The following TASP1 variants were observed in gnomAD, a reference collection of about 807,000 sequenced individuals.
The protein encoded by TASP1 is threonine aspartase 1.
TASP1 carries 16 observed loss-of-function variants against 56.6 expected under a neutral mutation model. The observed-to-expected ratio is 0.28, with a 90% CI of 0.19 to 0.43. The LOEUF is 0.43. Among genes scored for constraint, TASP1 ranks in the 20% least tolerant of loss-of-function variants. The pLI is 1.00. For missense variants in TASP1, 393 were observed against 511.6 expected, an observed-to-expected ratio of 0.77 and a Z score of 2.24; for synonymous variants, 179 against 184.2, an observed-to-expected ratio of 0.97 and a Z score of 0.23.
At chr20:13,418,923 A>G (rs2042349241) in intron 12 of TASP1, among the ~76,000 whole-genome samples, 3 of 152,258 alleles carry the variant, frequency 2.0e-5, no homozygotes, top group Non-Finnish European at 4.4e-5. Flanking sequence ...CAAAAATGCC[A>G]AAGTCAGAAA....
the TASP1 span, among the ~76,000 whole-genome samples, chr20:13,324,701 G>A: frequency 1.3e-5 from 2 of 152,162 alleles, no homozygotes; most frequent in African/African-American, 4.8e-5. Flanking sequence ...CAATTTTCCA[G>A]GCATAATCTC....
chr20:13,155,211 C>G, the TASP1 span, among the ~76,000 whole-genome samples: 1 of 152,080 alleles, frequency 6.6e-6, no homozygotes, highest in Non-Finnish European at 1.5e-5. Flanking sequence ...GTTAACTAAG[C>G]TCCTTTCTCA....
chr20:13,298,964 G>A, the TASP1 span: 2 of 1,613,596 alleles, frequency 1.2e-6, no homozygotes, highest in Admixed American at 1.7e-5. Context: ...GTGAGCGCTG[G>A]ATGAGCTGCA....
Position 13,625,259 on chromosome 20 carries a change from T to C in TASP1, c.146-7A>G, listed in dbSNP as rs1405202189. The C allele has an allele frequency of 3.7e-6, 6 of 1,601,266 alleles. No homozygotes were observed. In the Admixed American group the frequency reaches 6.9e-5, roughly 18 times the overall value. On this transcript the variant is annotated splice_polypyrimidine_tract_variant and splice_region_variant and intron_variant, in intron 2 of 13. Transcript: ENST00000337743. ...TCAGAATGATAACCTGCACCTAAAG[T>C]AGAAAATAAAATCCAGTTAATTATT...
chr20:13,538,269 G>T (rs977807399), intron 8 of TASP1, among the ~76,000 whole-genome samples: 2 of 152,142 alleles, frequency 1.3e-5, no homozygotes, highest in Admixed American at 6.5e-5. Flanking sequence ...CTCCCAAAGT[G>T]CTGGGATTAC....
chr20:13,245,104 T>A, the TASP1 span: 1 of 152,230 alleles, frequency 6.6e-6, no homozygotes, highest in Admixed American at 6.5e-5. Context: ...TGGTTAAATA[T>A]CTTCCTTCCT....
chr20:13,565,215 C>T (rs973595644), intron 7 of TASP1, among the ~76,000 whole-genome samples: 3 of 152,076 alleles, frequency 2.0e-5, no homozygotes, highest in African/African-American at 7.2e-5. Context: ...GTTAGACCCC[C>T]ACTTTATACC....
At chr20:13,110,136 T>A in the TASP1 span, 1 of 1,613,420 alleles carries the variant, frequency 6.2e-7, no homozygotes, top group Non-Finnish European at 8.5e-7. Flanking sequence ...GAGAAGCTCC[T>A]GAGAGATGCT....
the TASP1 span, among the ~76,000 whole-genome samples, chr20:13,186,746 C>G: frequency 0.011 from 1,651 of 152,230 alleles, 15 homozygotes; most frequent in Non-Finnish European, 0.016. Flanking sequence ...TATAGCTAAG[C>G]CTTAAACAAA....
At chr20:13,297,990 G>A in the TASP1 span, among the ~76,000 whole-genome samples, 1 of 152,106 alleles carries the variant, frequency 6.6e-6, no homozygotes, top group Non-Finnish European at 1.5e-5. Context: ...GAGGCTGGGG[G>A]AACCAGTCCA....
At chr20:13,147,762 T>C in the TASP1 span, among the ~76,000 whole-genome samples, 2 of 152,248 alleles carry the variant, frequency 1.3e-5, no homozygotes, top group African/African-American at 4.8e-5. Context: ...GGAGCATGTA[T>C]GAGGTCATGC....
chr20:13,190,202 T>A, the TASP1 span, among the ~76,000 whole-genome samples: 1 of 152,144 alleles, frequency 6.6e-6, no homozygotes, highest in Non-Finnish European at 1.5e-5. Context: ...CTATGGTTAC[T>A]ATTTGGGTGA....
Position 13,631,016 on chromosome 20 carries a change from G to C in TASP1, c.-74-864C>G, listed in dbSNP as rs575679865. Among the ~76,000 whole-genome samples the C allele has an allele frequency of 1.1e-4, 16 of 152,114 alleles. No individual in the cohort carries two copies. In the South Asian group the frequency reaches 3.3e-3, roughly 32 times the overall value. On this transcript the variant is annotated intron_variant, in intron 1 of 13. Transcript: ENST00000337743. ...AGTTTCAAATTTGTTTGAATGTTTGGTTTTGGGTGGTATTTGGGGAGTTTT... is the reference window on the plus strand; with the variant it reads ...AGTTTCAAATTTGTTTGAATGTTTGCTTTTGGGTGGTATTTGGGGAGTTTT...
intron 7 of TASP1, among the ~76,000 whole-genome samples, chr20:13,561,964 C>G (rs2046357769): frequency 6.6e-6 from 1 of 152,016 alleles, no homozygotes; most frequent in Admixed American, 6.6e-5. Flanking sequence ...ATAAACAGAA[C>G]ACTATATTCG....
At chr20:13,550,199 T>C (rs182324824) in intron 8 of TASP1, among the ~76,000 whole-genome samples, 5 of 138,590 alleles carry the variant, frequency 3.6e-5, no homozygotes, top group Admixed American at 2.8e-4. Flanking sequence ...GACACTGCAA[T>C]TGTCCAGTCA....
chr20:13,514,243 A>G (rs1027431856), intron 10 of TASP1, among the ~76,000 whole-genome samples: 15 of 152,258 alleles, frequency 9.9e-5, no homozygotes, highest in African/African-American at 2.6e-4. Context: ...GTAAACAGTG[A>G]TCATTATGAT....
the TASP1 span, among the ~76,000 whole-genome samples, chr20:13,201,074 A>T: frequency 6.6e-6 from 1 of 152,228 alleles, no homozygotes; most frequent in Non-Finnish European, 1.5e-5. Flanking sequence ...ACAGGCACAG[A>T]GGACTGCAAG....
chr20:13,615,508 T>G (rs1461181685), intron 4 of TASP1, among the ~76,000 whole-genome samples: 1 of 150,460 alleles, frequency 6.6e-6, no homozygotes, highest in African/African-American at 2.4e-5. Context: ...TCTGGTTTTT[T>G]TTTTTTTTTT....
chr20:13,315,916 T>C, the TASP1 span, among the ~76,000 whole-genome samples: 1 of 151,852 alleles, frequency 6.6e-6, no homozygotes, highest in African/African-American at 2.4e-5. Context: ...AGAAAACATC[T>C]CAAGACAAAC....
Sources: gnomAD v4.1 joint callset for allele counts (sites outside exome capture counted in the v4.1 genomes callset) on GRCh38, gnomAD v4.1.1 for gene constraint, MANE v1.5 for transcripts, NCBI Gene and HGNC (gene_info 2026-07-23, HGNC 2026-07-21) for gene names.